The following ADCY10 variants were observed in gnomAD, a reference collection of about 807,000 sequenced individuals.
ADCY10 encodes the protein adenylate cyclase 10.
Under a neutral mutation model 183.3 loss-of-function variants are expected in ADCY10, and 156 were observed. The ratio of observed to expected loss-of-function variants is 0.85; its 90% CI spans 0.75 to 0.97. The LOEUF is 0.97. Ranked by LOEUF, ADCY10 falls within the 50% of genes least tolerant of loss-of-function variation. The probability of loss-of-function intolerance (pLI) is 0.00; values close to 1 mark genes in which losing one functional copy is unlikely to be tolerated. For missense variants in ADCY10, 1,745 were observed against 1,934.3 expected (o/e 0.90, Z 1.84); for synonymous variants, 645 against 670.0 (o/e 0.96, Z 0.58).
In ADCY10 at chr1:167,848,346, G is replaced by A. The variant is rs1041342498; in HGVS notation, c.2437+15C>T. On this transcript the variant is annotated intron_variant, in intron 19 of 32. Transcript: ENST00000367851. ...TTACAGGCGTGAGCCACTGCGCCCGGCCAGATTTTCTTACCTTTTAATGAC... is the reference window on the plus strand; with the variant it reads ...TTACAGGCGTGAGCCACTGCGCCCGACCAGATTTTCTTACCTTTTAATGAC... 14 of 1,611,422 alleles carry A rather than the reference G, an allele frequency of 8.7e-6. No homozygotes were observed. The highest frequency in any genetic ancestry group is 1.1e-5 in the Non-Finnish European group (13 of 1,178,644).
chr1:167,854,268 A>T (rs1049419350), intron 18 of ADCY10, 85 bp downstream of exon 18: 55 of 1,542,762 alleles, frequency 3.6e-5, no homozygotes, highest in Non-Finnish European at 4.7e-5. Flanking sequence ...CAGCCTGTGG[A>T]ATAGCTCATT....
intron 14 of ADCY10, 47 bp from the exon 15 acceptor site, chr1:167,861,110 A>AT (rs1666253353): frequency 6.6e-7 from 1 of 1,505,174 alleles, no homozygotes; most frequent in South Asian, 1.2e-5. Context: ...TTAAATATAT[A>AT]TTTTTGAAAA....
intron 26 of ADCY10, among the ~76,000 whole-genome samples, chr1:167,825,416 C>T (rs765984308): frequency 6.6e-5 from 10 of 151,348 alleles, no homozygotes; most frequent in Non-Finnish European, 1.3e-4. Context: ...TTCTGGAGGC[C>T]GAGGCAGGAG....
intron 18 of ADCY10, among the ~76,000 whole-genome samples, chr1:167,849,154 GTAT>G (rs1363834016): frequency 6.6e-6 from 1 of 151,894 alleles, no homozygotes; most frequent in African/African-American, 2.4e-5. Context: ...ATATCAGAAT[GTAT>G]TATTATATAT....
At chr1:167,899,109 C>T (rs919002508) in intron 6 of ADCY10, among the ~76,000 whole-genome samples, 1 of 152,156 alleles carries the variant, frequency 6.6e-6, no homozygotes, top group Non-Finnish European at 1.5e-5. Context: ...TTCCCCTCTG[C>T]TCCTGGATGA....
intron 30 of ADCY10, chr1:167,819,900 G>A (rs1288908853): frequency 3.2e-6 from 3 of 932,204 alleles, no homozygotes; most frequent in Admixed American, 1.9e-5. Context: ...AAGCCAAATC[G>A]GATCAACAGT....
rs747603784 is a variant in ADCY10 at position 167,883,418 on chromosome 1, T to G, written c.1020+19A>C. 9 of 1,612,584 alleles carry G rather than the reference T, an allele frequency of 5.6e-6. No homozygotes were observed. The highest frequency in any genetic ancestry group is 6.8e-6 in the Non-Finnish European group (8 of 1,178,550). ...ACCTAAAACTATTGGTAGGTTCCCA[T>G]CCCATAGTTCACACTTACCTTGTCA... On this transcript the variant is annotated intron_variant, in intron 9 of 32. Coordinates refer to ENST00000367851, the MANE Select transcript of ADCY10 (RefSeq NM_018417.6).
chr1:167,824,834 A>G lies in ADCY10; in HGVS notation c.3772T>C (p.Tyr1258His), dbSNP rs1663163532. The change falls in exon 27 of 33, where the codon TAT (tyrosine) becomes CAT (histidine). Residue 1258 changes from tyrosine to histidine, a missense_variant. Transcript: ENST00000367851. ...CFQIIKAYLD[Y>H]SLYHHLAGYK... ...CCAGCCAGGTGGTGGTATAGCGAAT[A>G]GTCTAGGTAAGCCTTAATGATCTGA... is the stretch of plus-strand genomic sequence containing the variant. 1 of 1,614,168 alleles carries G rather than the reference A, an allele frequency of 6.2e-7. No individual in the cohort carries two copies. Among genetic ancestry groups the G allele is most frequent in the East Asian group, 2.2e-5 (1 of 44,906 alleles).
chr1:167,824,436 C>T, intron 28 of ADCY10, 40 bp downstream of exon 28: 3 of 1,549,102 alleles, frequency 1.9e-6, no homozygotes, highest in Non-Finnish European at 2.7e-6. Context: ...ATAATACGGC[C>T]TCCTCCCCCT....
chr1:167,814,355 A>T (rs1419315743), intron 31 of ADCY10, among the ~76,000 whole-genome samples: 1 of 151,976 alleles, frequency 6.6e-6, no homozygotes, highest in Non-Finnish European at 1.5e-5. Context: ...TAAATCAGAA[A>T]GAAACTTACA....
chr1:167,863,165 G>A (rs1336029252), intron 14 of ADCY10, among the ~76,000 whole-genome samples: 2 of 152,210 alleles, frequency 1.3e-5, no homozygotes, highest in Non-Finnish European at 2.9e-5. Flanking sequence ...AAGGCAGATA[G>A]CCCGGCGCCT....
At chr1:167,909,803 G>A (rs908814914) in intron 1 of ADCY10, among the ~76,000 whole-genome samples, 3 of 152,098 alleles carry the variant, frequency 2.0e-5, no homozygotes, top group Non-Finnish European at 4.4e-5. Flanking sequence ...TCAACTTTTA[G>A]TCATCTTGCT....
chr1:167,848,733 C>T (rs760612908), intron 18 of ADCY10, among the ~76,000 whole-genome samples: 1 of 152,050 alleles, frequency 6.6e-6, no homozygotes, highest in African/African-American at 2.4e-5. Flanking sequence ...TCACTGCAAC[C>T]TCCGCCTCCC....
intron 13 of ADCY10, among the ~76,000 whole-genome samples, chr1:167,873,146 G>T (rs1475233206): frequency 6.6e-6 from 1 of 152,116 alleles, no homozygotes; most frequent in Non-Finnish European, 1.5e-5. Context: ...CTTGTAGAAA[G>T]AAGGTTAGGA....
At chr1:167,889,180 T>C (rs1009204500) in intron 8 of ADCY10, among the ~76,000 whole-genome samples, 1 of 152,216 alleles carries the variant, frequency 6.6e-6, no homozygotes, top group Non-Finnish European at 1.5e-5. Context: ...TTTTAGTTTC[T>C]CCCTATTCAT....
In ADCY10 at chr1:167,809,697, G is replaced by A. The variant is rs1662078067; in HGVS notation, c.4814C>T (p.Thr1605Ile). 1.4e-5 allele frequency: 22 copies of A among 1,613,956 alleles called. 1 individual carries two copies. In the African/African-American group the frequency reaches 1.9e-4, roughly 14 times the overall value. ...QKNKFLMRANTVDNHF is the reference protein window; with the variant it reads ...QKNKFLMRANIVDNHF ...GACATGTTAGAAATGATTGTCCACG[G>A]TATTAGCTCTCATCAGGAATTTGTT... is the stretch of plus-strand genomic sequence containing the variant. The change falls in exon 33 of 33, where the codon ACC (threonine) becomes ATC (isoleucine). Residue 1605 changes from threonine to isoleucine, a missense_variant. By Grantham distance (89) the Thr-to-Ile change is moderately conservative. Transcript: ENST00000367851.
intron 24 of ADCY10, 145 bp downstream of exon 24, chr1:167,833,825 C>T (rs982247583): frequency 4.4e-6 from 3 of 679,672 alleles, no homozygotes; most frequent in South Asian, 1.7e-5. Context: ...GGTTGGAGCC[C>T]AGGGATTTGA....
At chr1:167,833,899 G>A (rs1211106146) in intron 24 of ADCY10, 71 bp downstream of exon 24, 57 of 1,190,496 alleles carry the variant, frequency 4.8e-5, no homozygotes, top group Non-Finnish European at 6.4e-5. Context: ...AAAGTATAGG[G>A]ATGACTTCTA....
chr1:167,878,536 G>T lies in ADCY10; in HGVS notation c.1316C>A (p.Ala439Glu). 6 of 1,614,082 alleles carry T rather than the reference G, an allele frequency of 3.7e-6. No individual in the cohort carries two copies. The highest frequency in any genetic ancestry group is 1.7e-4 in the Middle Eastern group (1 of 6,058). The change falls in exon 12 of 33, where the codon GCG becomes GAG. Residue 439 changes from alanine (A) to glutamate (E), a missense_variant. Physicochemically the swap from Ala to Glu is moderately radical, Grantham distance 107. Transcript: ENST00000367851. Reference protein sequence around the residue: ...SVTYNGSNLPAYFFKELPKKV... With the variant: ...SVTYNGSNLPEYFFKELPKKV... ...CTTTGGAAGCTCTTTAAAAAAGTAC[G>T]CTGGTAGGTTGCTCCCATTGTAGGT... is the stretch of plus-strand genomic sequence containing the variant.
Sources: allele counts gnomAD v4.1 joint callset (sites outside exome capture counted in the v4.1 genomes callset), GRCh38; gene constraint gnomAD v4.1.1; transcripts MANE v1.5; gene names NCBI Gene and HGNC (gene_info 2026-07-23, HGNC 2026-07-21).